The following SLC9A6 variants were observed in gnomAD, a reference collection of about 807,000 sequenced individuals.
SLC9A6 encodes the protein solute carrier family 9 member A6.
In SLC9A6, 6 loss-of-function variants were observed where a neutral mutation model predicts 45.3. The observed-to-expected ratio is 0.13, with a 90% CI of 0.07 to 0.26. The LOEUF (loss-of-function observed/expected upper bound fraction) is 0.26, where lower values mean the gene tolerates loss of function less well. SLC9A6 is among the 10% of genes least tolerant of loss of function. SLC9A6 has a pLI of 1.00. For missense variants in SLC9A6, 278 were observed against 503.7 expected, an observed-to-expected ratio of 0.55 and a Z score of 4.29; for synonymous variants, 191 against 187.7, an observed-to-expected ratio of 1.02 and a Z score of -0.14.
At chrX:136,018,530 GT>G (rs2071064386) in intron 11 of SLC9A6, among the ~76,000 whole-genome samples, 1 of 111,705 alleles carries the variant, frequency 9.0e-6, no homozygotes, top group Non-Finnish European at 1.9e-5. Flanking sequence ...TTCATTTAAT[GT>G]TTAACATTAA....
rs1026610524 is a variant in SLC9A6 at position 136,045,668 on chromosome X, A to G, written c.*944A>G. ...GCAGGCTTTGTCGTCAGAAGTTTTTATATCGATTTAAATTGCTGCTCTTTA... is the reference window on the plus strand; with the variant it reads ...GCAGGCTTTGTCGTCAGAAGTTTTTGTATCGATTTAAATTGCTGCTCTTTA... On this transcript the variant is annotated 3_prime_UTR_variant, in exon 18 of 18. Coordinates refer to ENST00000630721, the MANE Select transcript of SLC9A6 (RefSeq NM_001379110.1). 8.9e-6 allele frequency: 1 copy of G among 112,839 alleles called. No homozygotes were observed. Among genetic ancestry groups the G allele is most frequent in the Non-Finnish European group, 1.9e-5 (1 of 53,363 alleles). The allele number at this position is 112,839 out of a possible 1,213,427, so 9.3% of individuals were successfully genotyped here. A position where few individuals can be genotyped will look rare whatever the true frequency, so the allele number is the denominator to read the frequency against.
intron 7 of SLC9A6, among the ~76,000 whole-genome samples, chrX:136,005,678 C>CAAAA (rs368832440): frequency 2.4e-5 from 2 of 83,317 alleles, no homozygotes; most frequent in Non-Finnish European, 2.3e-5. Flanking sequence ...GAGACTGTCT[C>CAAAA]AAAAAAAAAA....
chrX:136,032,260 C>T (rs185061194), intron 15 of SLC9A6, among the ~76,000 whole-genome samples: 4,392 of 111,637 alleles, frequency 0.039, 77 homozygotes, highest in South Asian at 0.12. Context: ...TTAGTAGAGA[C>T]GGGGTTTCCC....
chrX:135,991,009 T>C (rs1346886197), intron 2 of SLC9A6, among the ~76,000 whole-genome samples: 2 of 111,705 alleles, frequency 1.8e-5, no homozygotes, highest in African/African-American at 6.5e-5. Flanking sequence ...TTTTCTCTTC[T>C]AGGTTATGTC....
At chrX:135,995,108 A>G (rs2089480197) in intron 3 of SLC9A6, 123 bp downstream of exon 3, 3 of 485,744 alleles carry the variant, frequency 6.2e-6, no homozygotes, top group East Asian at 3.7e-5. Context: ...TCAATGGAGT[A>G]AAACCTCAAT....
At chrX:135,990,098 G>C (rs2089406728) in intron 2 of SLC9A6, among the ~76,000 whole-genome samples, 1 of 111,160 alleles carries the variant, frequency 9.0e-6, no homozygotes, top group Non-Finnish European at 1.9e-5. Flanking sequence ...CCATTCTTCT[G>C]CCTCAGCCTC....
chrX:135,985,679 C>G lies in SLC9A6; in HGVS notation c.21C>G (p.Ser7=), dbSNP rs782404803. 3 of 1,211,789 alleles carry G rather than the reference C, an allele frequency of 2.5e-6. No individual in the cohort carries two copies. The highest frequency in any genetic ancestry group is 2.2e-6 in the Non-Finnish European group (2 of 895,479). ...GAGCCATGGACGAGGAGATCGTGTC[C>G]GAGAAGCAAGCCGAGGAGAGCCACC... is the stretch of plus-strand genomic sequence containing the variant. MDEEIV[S]EKQAEESHRQ... is the part of the protein sequence containing the mutation. Residue 7 remains serine, a synonymous_variant, in exon 2 of 18, where the codon TCC becomes TCG. Transcript: ENST00000630721.
chrX:136,029,153 C>T (rs2071275907), intron 14 of SLC9A6, among the ~76,000 whole-genome samples, 178 bp downstream of exon 14: 1 of 110,806 alleles, frequency 9.0e-6, no homozygotes, highest in Non-Finnish European at 1.9e-5. Context: ...ACAGCATGAG[C>T]AAAGGCATGG....
chrX:135,991,944 C>T (rs1315162906), intron 2 of SLC9A6, among the ~76,000 whole-genome samples: 1 of 110,926 alleles, frequency 9.0e-6, no homozygotes, highest in East Asian at 2.8e-4. Context: ...TTTACTTGCT[C>T]CCCTGGCGAT....
At chrX:135,993,740 G>A (rs1405074503) in intron 2 of SLC9A6, among the ~76,000 whole-genome samples, 1 of 110,027 alleles carries the variant, frequency 9.1e-6, no homozygotes, top group African/African-American at 3.3e-5. Flanking sequence ...GCAGTGAGCC[G>A]AGATCATGCC....
At chrX:136,031,962 T>C (rs1569525580) in intron 15 of SLC9A6, among the ~76,000 whole-genome samples, 1 of 112,610 alleles carries the variant, frequency 8.9e-6, no homozygotes, top group African/African-American at 3.2e-5. Context: ...ACATGACACG[T>C]GACACGTTGA....
rs996631423 is a variant in SLC9A6, at chrX:136,044,580, A to G, written c.1896A>G (p.Gly632=). 8.3e-7 allele frequency: 1 copy of G among 1,211,622 alleles called. No homozygotes were observed. Among genetic ancestry groups the G allele is most frequent in the Non-Finnish European group, 1.1e-6 (1 of 895,465 alleles). The change falls in exon 18 of 18, where the codon GGA becomes GGG. Residue 632 remains glycine (G), a synonymous_variant. Coordinates refer to ENST00000630721, the MANE Select transcript of SLC9A6 (RefSeq NM_001379110.1). ...ATSSAPRRFM[G]NSSEDALDRE... ...CCAGCGCCCCAAGGAGATTTATGGGAAACAGTTCTGAAGATGCCTTGGATC... is the reference window on the plus strand; with the variant it reads ...CCAGCGCCCCAAGGAGATTTATGGGGAACAGTTCTGAAGATGCCTTGGATC...
intron 6 of SLC9A6, 109 bp downstream of exon 6, chrX:135,999,077 C>A: frequency 1.8e-6 from 1 of 559,293 alleles, no homozygotes; most frequent in Non-Finnish European, 3.2e-6. Flanking sequence ...TAGATACTTC[C>A]TTAGTACTAT....
At position 136,039,991 on chromosome X, in the gene SLC9A6, T is replaced by C. The variant is rs781878120; in HGVS notation, c.1662-85T>C. The C allele has an allele frequency of 6.7e-6, 5 of 745,380 alleles. No homozygotes were observed. In the South Asian group the frequency reaches 9.0e-5, roughly 13 times the overall value. The allele number at this position is 745,380 out of a possible 1,213,427, so 61.4% of individuals were successfully genotyped here. On this transcript the variant is annotated intron_variant, in intron 16 of 17. Coordinates refer to ENST00000630721, the MANE Select transcript of SLC9A6 (RefSeq NM_001379110.1). ...CTTTGCTGTCCTCCGAAGTGGTTACTATACTATGATGGTGATTATTATCAA... is the reference window on the plus strand; with the variant it reads ...CTTTGCTGTCCTCCGAAGTGGTTACCATACTATGATGGTGATTATTATCAA...
chrX:136,017,634 C>T (rs1268673958), intron 11 of SLC9A6, among the ~76,000 whole-genome samples: 3 of 111,245 alleles, frequency 2.7e-5, no homozygotes, highest in Non-Finnish European at 5.7e-5. Flanking sequence ...TAAGATGGAG[C>T]CATCCTCTCT....
chrX:135,980,764 C>T (rs1556613893), upstream of SLC9A6, among the ~76,000 whole-genome samples: 1 of 110,902 alleles, frequency 9.0e-6, no homozygotes, highest in Non-Finnish European at 1.9e-5. Context: ...ACTATGTTGC[C>T]CAGGCTGGTC....
At chrX:136,026,149 T>G (rs911768607) in intron 13 of SLC9A6, among the ~76,000 whole-genome samples, 1 of 112,032 alleles carries the variant, frequency 8.9e-6, no homozygotes, top group South Asian at 3.7e-4. Context: ...CTTGTTTTAT[T>G]GGCATTATTC....
intron 7 of SLC9A6, chrX:136,010,226 C>CA (rs2070893815): frequency 1.8e-5 from 5 of 279,123 alleles, no homozygotes; most frequent in Middle Eastern, 1.2e-3. Flanking sequence ...AATGTTCTAC[C>CA]CCCCCCCCGA....
intron 1 of SLC9A6, chrX:135,975,434 G>T (rs1556613216): frequency 8.9e-6 from 1 of 111,882 alleles, no homozygotes; most frequent in Admixed American, 9.5e-5. Context: ...TCCTATTCCT[G>T]ATCCCCTTAT....
Sources: gnomAD v4.1 joint callset for allele counts (sites outside exome capture counted in the v4.1 genomes callset) on GRCh38, gnomAD v4.1.1 for gene constraint, MANE v1.5 for transcripts, NCBI Gene and HGNC (gene_info 2026-07-23, HGNC 2026-07-21) for gene names.